The following ANKRD12 variants were observed in gnomAD, a reference collection of about 807,000 sequenced individuals.
ANKRD12 encodes ankyrin repeat domain-containing protein 12.
A neutral mutation model predicts 183.4 loss-of-function variants in ANKRD12; 85 were observed. That is an observed-to-expected ratio of 0.46 (90% CI 0.39 to 0.56). ANKRD12 has a LOEUF of 0.56. ANKRD12 is among the 20% of genes least tolerant of loss of function. The pLI is 0.00. For missense variants in ANKRD12, 2,405 were observed against 2,357.1 expected, an observed-to-expected ratio of 1.02 and a Z score of -0.42; for synonymous variants, 914 against 800.2, an observed-to-expected ratio of 1.14 and a Z score of -2.40.
In ANKRD12 at chr18:9,258,658, A is replaced by C. The variant is rs1287003935; in HGVS notation, c.5391A>C (p.Gln1797His). Residue 1797 changes from glutamine (Q) to histidine (H), a missense_variant, in exon 9 of 13, where the codon CAA becomes CAC. Around this residue, in one of 7 missense-constraint regions of ANKRD12, gnomAD observed 1,983 missense variants for 1,725.9 expected, o/e 1.15. Coordinates refer to ENST00000262126, the MANE Select transcript of ANKRD12 (RefSeq NM_015208.5). The part of the protein sequence containing the change: ...RKVSRVPQPV[Q>H]VSPSLLQAKE... ...TGTCACGTGTACCTCAGCCTGTGCAAGTGAGTCCCTCTTTACTACAAGCAA... is the reference window on the plus strand; with the variant it reads ...TGTCACGTGTACCTCAGCCTGTGCACGTGAGTCCCTCTTTACTACAAGCAA... 1.2e-6 allele frequency: 2 copies of C among 1,613,968 alleles called. No homozygotes were observed. The highest frequency in any genetic ancestry group is 2.2e-5 in the South Asian group (2 of 91,062).
intron 3 of ANKRD12, among the ~76,000 whole-genome samples, chr18:9,198,141 T>G (rs1170352190): frequency 6.6e-6 from 1 of 152,172 alleles, no homozygotes; most frequent in East Asian, 1.9e-4. Context: ...TAGTATTCTG[T>G]ATTTTAAACT....
At chr18:9,142,149 TTTTGTCAGCA>T in intron 1 of ANKRD12, among the ~76,000 whole-genome samples, 1 of 152,126 alleles carries the variant, frequency 6.6e-6, no homozygotes, top group East Asian at 1.9e-4. Context: ...TACATAGGAG[TTTTGTCAGCA>T]TTCTGACTTC....
At chr18:9,213,263 G>A (rs1164029871) in intron 6 of ANKRD12, among the ~76,000 whole-genome samples, 5 of 151,926 alleles carry the variant, frequency 3.3e-5, no homozygotes, top group Non-Finnish European at 7.4e-5. Flanking sequence ...GGGGAATGGT[G>A]TGATATACAG....
rs2035618902 is a variant in ANKRD12, at chr18:9,208,692, G to A, written c.340G>A (p.Glu114Lys). Reference protein sequence around the residue: ...EGPEKKKTKKEAGNKKSTPVS... With the variant: ...EGPEKKKTKKKAGNKKSTPVS... ...TCCAGAAAAGAAGAAGACAAAAAAG[G>A]AAGCTGGAAATAAGAAATCCACACC... Residue 114 changes from glutamate (E) to lysine (K), a missense_variant, in exon 5 of 13, where the codon GAA becomes AAA. Physicochemically the swap from Glu to Lys is moderately conservative, Grantham distance 56. Transcript: ENST00000262126. 4 of 1,610,288 alleles carry A rather than the reference G, an allele frequency of 2.5e-6. No individual in the cohort carries two copies. The highest frequency in any genetic ancestry group is 3.4e-6 in the Non-Finnish European group (4 of 1,178,572).
chr18:9,171,496 T>TA (rs1226696205), intron 1 of ANKRD12, among the ~76,000 whole-genome samples: 1 of 152,184 alleles, frequency 6.6e-6, no homozygotes, highest in Admixed American at 6.5e-5. Flanking sequence ...TTGTTAGACT[T>TA]GTTTATGTGG....
At chr18:9,168,463 G>A (rs994867768) in intron 1 of ANKRD12, among the ~76,000 whole-genome samples, 31 of 152,102 alleles carry the variant, frequency 2.0e-4, no homozygotes, top group Admixed American at 7.9e-4. Context: ...TGTATGTGTC[G>A]AGGAATTCAT....
chr18:9,176,190 T>C (rs1054480631), intron 1 of ANKRD12, among the ~76,000 whole-genome samples: 4 of 152,238 alleles, frequency 2.6e-5, no homozygotes, highest in African/African-American at 9.6e-5. Context: ...TGAACATTTT[T>C]GTTTGCCTAA....
intron 1 of ANKRD12, among the ~76,000 whole-genome samples, chr18:9,173,835 C>T (rs754483548): frequency 1.4e-4 from 21 of 152,146 alleles, no homozygotes; most frequent in East Asian, 3.9e-4. Context: ...AGAGCCAGCC[C>T]GCTTAGAAAG....
At chr18:9,156,724 C>A (rs541448667) in intron 1 of ANKRD12, among the ~76,000 whole-genome samples, 1 of 152,252 alleles carries the variant, frequency 6.6e-6, no homozygotes, top group Non-Finnish European at 1.5e-5. Context: ...AGCCCAATAT[C>A]CACTCAGCAA....
intron 11 of ANKRD12, among the ~76,000 whole-genome samples, 167 bp downstream of exon 11, chr18:9,275,834 A>G (rs192723269): frequency 2.1e-4 from 32 of 152,348 alleles, no homozygotes; most frequent in African/African-American, 7.5e-4. Context: ...CTGGTCCTCC[A>G]TTTTCTAAAG....
chr18:9,138,556 A>C (rs2078209513), intron 1 of ANKRD12, among the ~76,000 whole-genome samples: 1 of 152,160 alleles, frequency 6.6e-6, no homozygotes, highest in Non-Finnish European at 1.5e-5. Flanking sequence ...AAAAAAACAT[A>C]TGCTCAAGTA....
chr18:9,191,301 T>C (rs932213228), intron 2 of ANKRD12, among the ~76,000 whole-genome samples: 8 of 152,242 alleles, frequency 5.3e-5, no homozygotes, highest in Non-Finnish European at 7.3e-5. Flanking sequence ...TTCAAGTCTA[T>C]CAAAAACATT....
At chr18:9,198,704 G>A (rs1057495444) in intron 3 of ANKRD12, among the ~76,000 whole-genome samples, 8 of 151,764 alleles carry the variant, frequency 5.3e-5, no homozygotes, top group Non-Finnish European at 1.0e-4. Flanking sequence ...CGCCTGCCAC[G>A]ATGCCTGGCT....
intron 2 of ANKRD12, among the ~76,000 whole-genome samples, chr18:9,186,375 A>G (rs1427744804): frequency 1.3e-5 from 2 of 152,182 alleles, no homozygotes; most frequent in Non-Finnish European, 2.9e-5. Context: ...CTAGTTAACA[A>G]ATTTTTGGCT....
In ANKRD12 at chr18:9,251,531, C is replaced by CACCTGTA. The variant is rs533599703; in HGVS notation, c.944-2678_944-2672dup. 2.4e-4 allele frequency among the ~76,000 whole-genome samples: 37 copies of CACCTGTA among 152,262 alleles called. No homozygotes were observed. In the South Asian group the frequency reaches 5.4e-3, roughly 22 times the overall value. ...AATGCTGGCTGGGCATGGTGGCTCA[C>CACCTGTA]ACCTGTAATCCCAGCACTTTGGGAA... On this transcript the variant is annotated intron_variant, in intron 8 of 12. Coordinates refer to ENST00000262126, the MANE Select transcript of ANKRD12 (RefSeq NM_015208.5).
At chr18:9,151,570 A>G (rs1489489923) in intron 1 of ANKRD12, among the ~76,000 whole-genome samples, 2 of 152,220 alleles carry the variant, frequency 1.3e-5, no homozygotes, top group Non-Finnish European at 2.9e-5. Context: ...CCCAGATCAC[A>G]CTACATAAAA....
At chr18:9,280,640 T>C (rs1352331199) in intron 12 of ANKRD12, among the ~76,000 whole-genome samples, 1 of 151,996 alleles carries the variant, frequency 6.6e-6, no homozygotes, top group Admixed American at 6.6e-5. Context: ...AATACAAAAA[T>C]TAGCTGGGCG....
At chr18:9,177,171 A>G (rs1447424806) in intron 1 of ANKRD12, among the ~76,000 whole-genome samples, 1 of 152,220 alleles carries the variant, frequency 6.6e-6, no homozygotes, top group African/African-American at 2.4e-5. Context: ...CCCTTAGGGC[A>G]TGGAAATTGA....
chr18:9,190,639 C>T (rs555021821), intron 2 of ANKRD12, among the ~76,000 whole-genome samples: 2 of 152,262 alleles, frequency 1.3e-5, no homozygotes, highest in South Asian at 4.2e-4. Flanking sequence ...ATAGCCACCC[C>T]AACCATCAAA....
Sources: gnomAD v4.1 joint callset for allele counts (sites outside exome capture counted in the v4.1 genomes callset) on GRCh38, gnomAD v4.1.1 for gene constraint, gnomAD v4.1.1 regional missense constraint, MANE v1.5 for transcripts, NCBI Gene and HGNC (gene_info 2026-07-23, HGNC 2026-07-21) for gene names.